MAGI2: variants seen among roughly 807,000 people sequenced by gnomAD.
MAGI2 encodes membrane-associated guanylate kinase, WW and PDZ domain-containing protein 2.
In MAGI2, 35 loss-of-function variants were observed where a neutral mutation model predicts 133.3. The observed-to-expected ratio is 0.26, with a 90% confidence interval of 0.20 to 0.35. The LOEUF (loss-of-function observed/expected upper bound fraction) is 0.35. Ranked by LOEUF, MAGI2 falls within the 10% of genes least tolerant of loss-of-function variation. The pLI is 1.00. For missense variants in MAGI2, 1,636 were observed against 1,863.4 expected (o/e 0.88, Z 2.25); for synonymous variants, 729 against 710.6 (o/e 1.03, Z -0.41).
At chr7:78,932,906 C>T (rs1286009451) in intron 2 of MAGI2, among the ~76,000 whole-genome samples, 4 of 152,076 alleles carry the variant, frequency 2.6e-5, no homozygotes, top group African/African-American at 9.7e-5. Context: ...TGAGACTGTC[C>T]TTACAGGAAT....
chr7:79,037,311 A>G (rs1811216664), intron 1 of MAGI2, among the ~76,000 whole-genome samples: 1 of 152,158 alleles, frequency 6.6e-6, no homozygotes, highest in Admixed American at 6.5e-5. Flanking sequence ...TTATGACCAT[A>G]ATTATACTTC....
chr7:78,909,168 C>T (rs555218715), intron 2 of MAGI2, among the ~76,000 whole-genome samples: 9 of 150,764 alleles, frequency 6.0e-5, no homozygotes, highest in African/African-American at 2.2e-4. Flanking sequence ...TGAACAGACA[C>T]TTCTCAAAAG....
rs569000263 is a variant in MAGI2 at position 78,281,940 on chromosome 7, T to C, written c.1409-25359A>G. Among the ~76,000 whole-genome samples, 3 of 151,906 alleles carry C rather than the reference T, an allele frequency of 2.0e-5. No homozygotes were observed. In the South Asian group the frequency reaches 6.2e-4, roughly 32 times the overall value. On this transcript the variant is annotated intron_variant, in intron 9 of 21. Coordinates refer to ENST00000354212, the MANE Select transcript of MAGI2 (RefSeq NM_012301.4). ...CTTTCATGTTCCATATTTCTCCCAT[T>C]CACTTTCATTTCTTACAGAATTTTC...
At position 78,322,234 on chromosome 7, in the gene MAGI2, C is replaced by G. The variant is rs150903026; in HGVS notation, c.1408+21544G>C. On this transcript the variant is annotated intron_variant, in intron 9 of 21. Coordinates refer to ENST00000354212, the MANE Select transcript of MAGI2 (RefSeq NM_012301.4). Reference sequence around the variant, plus strand: ...CTCAAGGATCTAGAACCAGAACTACCATTTGACCCAGCAATCTCATCATGG... The same window carrying G: ...CTCAAGGATCTAGAACCAGAACTACGATTTGACCCAGCAATCTCATCATGG... 2.7e-3 allele frequency among the ~76,000 whole-genome samples: 411 copies of G among 152,234 alleles called. 1 individual carries two copies. Among genetic ancestry groups the G allele is most frequent in the African/African-American group, 9.7e-3 (402 of 41,546 alleles).
intron 1 of MAGI2, among the ~76,000 whole-genome samples, chr7:79,020,512 A>G (rs1285420984): frequency 6.6e-6 from 1 of 152,158 alleles, no homozygotes; most frequent in Non-Finnish European, 1.5e-5. Flanking sequence ...GATGCCTGTA[A>G]TCCCAGCACT....
chr7:79,165,853 A>G (rs1024123973), intron 1 of MAGI2, among the ~76,000 whole-genome samples: 6 of 152,218 alleles, frequency 3.9e-5, no homozygotes, highest in Admixed American at 3.9e-4. Flanking sequence ...TCCCAAAATA[A>G]GCTATTACAG....
intron 2 of MAGI2, among the ~76,000 whole-genome samples, chr7:78,677,660 TC>T (rs1223502101): frequency 6.6e-6 from 1 of 152,140 alleles, no homozygotes; most frequent in African/African-American, 2.4e-5. Context: ...TAAGAAGTCT[TC>T]CCATAAAAAT....
At chr7:78,287,871 T>C (rs568669348) in intron 9 of MAGI2, among the ~76,000 whole-genome samples, 5 of 152,218 alleles carry the variant, frequency 3.3e-5, no homozygotes, top group Non-Finnish European at 5.9e-5. Flanking sequence ...TTATAATAGA[T>C]TCAGCAGGAA....
chr7:79,260,700 G>A (rs1193724827), intron 1 of MAGI2, among the ~76,000 whole-genome samples: 5 of 152,072 alleles, frequency 3.3e-5, no homozygotes, highest in Non-Finnish European at 5.9e-5. Flanking sequence ...TTTCACGCAC[G>A]AAAGTATTTA....
intron 2 of MAGI2, among the ~76,000 whole-genome samples, chr7:78,785,674 T>C (rs2151353938): frequency 6.6e-6 from 1 of 152,360 alleles, no homozygotes; most frequent in South Asian, 2.1e-4. Context: ...TATTTATTTC[T>C]CCTCTTTCCT....
At chr7:78,854,736 T>A (rs990424800) in intron 2 of MAGI2, among the ~76,000 whole-genome samples, 14 of 152,180 alleles carry the variant, frequency 9.2e-5, no homozygotes, top group Non-Finnish European at 1.9e-4. Context: ...TAGTTGTGGT[T>A]TTACTTTGTC....
At chr7:79,338,007 A>G (rs573228050) in intron 1 of MAGI2, among the ~76,000 whole-genome samples, 1 of 152,156 alleles carries the variant, frequency 6.6e-6, no homozygotes, top group African/African-American at 2.4e-5. Flanking sequence ...AACATAAAAC[A>G]TCCTTTGTGA....
At chr7:79,047,532 T>C (rs1812291746) in intron 1 of MAGI2, among the ~76,000 whole-genome samples, 1 of 152,160 alleles carries the variant, frequency 6.6e-6, no homozygotes. Flanking sequence ...AATATGTGTG[T>C]ATGTCTCTGT....
intron 2 of MAGI2, among the ~76,000 whole-genome samples, chr7:78,980,042 G>C (rs112803338): frequency 4.2e-4 from 64 of 151,986 alleles, no homozygotes; most frequent in African/African-American, 1.5e-3. Flanking sequence ...TCATACCCAT[G>C]AGAGGAAATT....
At position 79,390,634 on chromosome 7, in the gene MAGI2, G is replaced by A. The variant is rs761019192; in HGVS notation, c.301+62386C>T. ...AAGAAATTGTCTTTCTGCAATTAAA[G>A]TATGTGGGAATAGTCAAATCAAAGC... On this transcript the variant is annotated intron_variant, in intron 1 of 21. Transcript: ENST00000354212. Among the ~76,000 whole-genome samples, 39 of 152,116 alleles carry A rather than the reference G, an allele frequency of 2.6e-4. 1 individual carries two copies. The highest frequency in any genetic ancestry group is 6.6e-4 in the Admixed American group (10 of 15,260).
intron 3 of MAGI2, among the ~76,000 whole-genome samples, chr7:78,560,986 A>G (rs1800342322): frequency 6.6e-6 from 1 of 152,220 alleles, no homozygotes; most frequent in Admixed American, 6.5e-5. Context: ...AGAGGTGGTA[A>G]TTTGTAGTTG....
At chr7:78,460,876 T>C (rs996587516) in intron 6 of MAGI2, among the ~76,000 whole-genome samples, 2 of 152,114 alleles carry the variant, frequency 1.3e-5, no homozygotes, top group African/African-American at 4.8e-5. Flanking sequence ...TCACTGGCTT[T>C]GGGTCTCTTC....
At chr7:78,778,960 G>C (rs1826191250) in intron 2 of MAGI2, among the ~76,000 whole-genome samples, 2 of 142,334 alleles carry the variant, frequency 1.4e-5, no homozygotes, top group Admixed American at 1.5e-4. Context: ...AGGCTGGAGT[G>C]CAGTGGTGTG....
intron 1 of MAGI2, among the ~76,000 whole-genome samples, chr7:79,199,697 C>T (rs1828418736): frequency 6.6e-6 from 1 of 151,904 alleles, no homozygotes; most frequent in Non-Finnish European, 1.5e-5. Context: ...TCAGTGAAAT[C>T]TCTGAATATC....
Sources: gnomAD v4.1 joint callset for allele counts (sites outside exome capture counted in the v4.1 genomes callset) on GRCh38, gnomAD v4.1.1 for gene constraint, MANE v1.5 for transcripts, NCBI Gene and HGNC (gene_info 2026-07-23, HGNC 2026-07-21) for gene names.